The following NGEF variants were observed in gnomAD, a reference collection of about 807,000 sequenced individuals.
NGEF encodes the protein ephexin-1.
Under a neutral mutation model 80.9 loss-of-function variants are expected in NGEF, and 31 were observed. The ratio of observed to expected loss-of-function variants is 0.38; its 90% confidence interval spans 0.29 to 0.52. NGEF has a LOEUF of 0.52. Ranked by LOEUF, NGEF falls within the 20% of genes least tolerant of loss-of-function variation. NGEF has a pLI of 0.84. For synonymous variants in NGEF, 371 were observed against 370.2 expected (o/e 1.00, Z -0.03); for missense variants, 709 against 926.2 (o/e 0.77, Z 3.04).
chr2:232,945,468 T>TACACAG (rs71296809), intron 3 of NGEF, among the ~76,000 whole-genome samples: 43,450 of 150,200 alleles, frequency 0.29, 7,109 homozygotes, highest in Middle Eastern at 0.4. Context: ...GAAATTTGGA[T>TACACAG]ACACAGACAC....
chr2:232,965,473 A>G (rs1318733991), intron 3 of NGEF, among the ~76,000 whole-genome samples: 1 of 152,156 alleles, frequency 6.6e-6, no homozygotes, highest in Non-Finnish European at 1.5e-5. Flanking sequence ...TATGTGGATG[A>G]CAGACCTGAC....
chr2:232,883,269 G>C (rs1165095436), intron 12 of NGEF, 42 bp downstream of exon 12: 1 of 1,544,766 alleles, frequency 6.5e-7, no homozygotes, highest in South Asian at 1.2e-5. Context: ...ACACAGAAAG[G>C]TGCCACGGGT....
intron 1 of NGEF, among the ~76,000 whole-genome samples, chr2:233,000,273 T>C (rs1365553341): frequency 6.6e-6 from 1 of 152,216 alleles, no homozygotes; most frequent in African/African-American, 2.4e-5. Context: ...TTTTTTTGTA[T>C]TTTTTGTAGA....
chr2:232,985,523 C>T (rs775726450), intron 1 of NGEF, among the ~76,000 whole-genome samples: 3 of 152,098 alleles, frequency 2.0e-5, no homozygotes, highest in Non-Finnish European at 4.4e-5. Flanking sequence ...GAGGCTGAGG[C>T]GGGCGGATCA....
intron 3 of NGEF, among the ~76,000 whole-genome samples, chr2:232,943,033 G>C (rs1238672227): frequency 1.3e-5 from 2 of 148,650 alleles, no homozygotes; most frequent in East Asian, 4.0e-4. Context: ...TTAAATTACT[G>C]CTGTTTCTAA....
At chr2:232,925,472 T>C (rs549958896) in intron 4 of NGEF, among the ~76,000 whole-genome samples, 1 of 152,310 alleles carries the variant, frequency 6.6e-6, no homozygotes, top group East Asian at 1.9e-4. Context: ...GAACATCAGA[T>C]GCCCTGCTGC....
At chr2:232,898,799 T>G (rs2106242902) in intron 5 of NGEF, among the ~76,000 whole-genome samples, 1 of 152,214 alleles carries the variant, frequency 6.6e-6, no homozygotes, top group Admixed American at 6.5e-5. Context: ...CCCAGGGTAG[T>G]GGAAGGAAGT....
chr2:232,999,169 G>C (rs1388364928), intron 1 of NGEF, among the ~76,000 whole-genome samples: 2 of 152,138 alleles, frequency 1.3e-5, no homozygotes, highest in African/African-American at 4.8e-5. Context: ...ATGATGATGG[G>C]CATGGCAGAC....
Position 232,908,496 on chromosome 2 carries a change from G to A in NGEF, c.828+11788C>T, listed in dbSNP as rs528063264. ...GTACCTCAATGCTGCTTGTTTATAC[G>A]TTTATGATTTTAGTGAGTTTGATTT... On this transcript the variant is annotated intron_variant, in intron 5 of 14. Transcript: ENST00000264051. Among the ~76,000 whole-genome samples, 9 of 47,534 alleles carry A rather than the reference G, an allele frequency of 1.9e-4. No homozygotes were observed. In the East Asian group the frequency reaches 3.1e-3, roughly 16 times the overall value. The allele number at this position is 47,534 out of a possible 152,430, so 31.2% of individuals were successfully genotyped here.
chr2:232,984,571 C>T (rs1694497066), intron 1 of NGEF, among the ~76,000 whole-genome samples: 1 of 152,146 alleles, frequency 6.6e-6, no homozygotes, highest in South Asian at 2.1e-4. Context: ...ACAAGCTAGA[C>T]ATTCCGGCCA....
At chr2:232,965,456 A>C (rs746576137) in intron 3 of NGEF, among the ~76,000 whole-genome samples, 1 of 152,184 alleles carries the variant, frequency 6.6e-6, no homozygotes, top group Non-Finnish European at 1.5e-5. Context: ...AAGAGCAGGG[A>C]TTCAGTTATG....
chr2:232,958,130 C>T (rs1474701588), intron 3 of NGEF, among the ~76,000 whole-genome samples: 1 of 152,166 alleles, frequency 6.6e-6, no homozygotes, highest in African/African-American at 2.4e-5. Context: ...TCAGCTAGCA[C>T]CCAAGCGAGG....
chr2:232,914,614 A>C (rs1465423994), intron 5 of NGEF, among the ~76,000 whole-genome samples: 1 of 152,126 alleles, frequency 6.6e-6, no homozygotes, highest in Non-Finnish European at 1.5e-5. Flanking sequence ...GAGGCACGAG[A>C]ATTGCTTGAA....
Position 232,935,007 on chromosome 2 carries a change from CA to C in NGEF, c.384-7822del, listed in dbSNP as rs141937277. ...TGGGCAACAGAGTGAGACTCTGTCT[CA>C]AAAAAAAAAAATAATAATAAGAATA... On this transcript the variant is annotated intron_variant, in intron 3 of 14. Transcript: ENST00000264051. Among the ~76,000 whole-genome samples the C allele has an allele frequency of 1.2e-3, 151 of 127,642 alleles. 1 individual carries two copies. Among genetic ancestry groups the C allele is most frequent in the East Asian group, 1.7e-3 (8 of 4,632 alleles). 83.7% of individuals were successfully genotyped at this position (127,642 alleles called of 152,430 possible). A position where few individuals can be genotyped will look rare whatever the true frequency, so the allele number is the denominator to read the frequency against.
chr2:232,974,882 G>T lies in NGEF; in HGVS notation c.9C>A (p.Thr3=), dbSNP rs1694261218. 3 of 1,613,184 alleles carry T rather than the reference G, an allele frequency of 1.9e-6. No individual in the cohort carries two copies. The South Asian group carries it at 3.3e-5, about 18-fold the overall frequency. Residue 3 remains threonine, a synonymous_variant, in exon 2 of 15, where the codon ACC becomes ACA. Transcript: ENST00000264051. ...TCTTTTCCAAATCTTCAGATTCCCT[G>T]GTCTCCATGGAAATAGAGCCAGATG... ME[T]RESEDLEKTR...
At chr2:232,969,725 G>A (rs1694147301) in intron 3 of NGEF, among the ~76,000 whole-genome samples, 1 of 151,840 alleles carries the variant, frequency 6.6e-6, no homozygotes, top group Admixed American at 6.6e-5. Context: ...TGTTGGCCAG[G>A]CTTGTCTCAA....
intron 3 of NGEF, among the ~76,000 whole-genome samples, chr2:232,938,609 A>G (rs967840746): frequency 2.1e-4 from 32 of 152,048 alleles, no homozygotes; most frequent in African/African-American, 7.2e-4. Flanking sequence ...GGTAAATACT[A>G]TAGGCCGGGT....
At chr2:232,997,599 G>T (rs1209881749) in intron 1 of NGEF, among the ~76,000 whole-genome samples, 1 of 152,132 alleles carries the variant, frequency 6.6e-6, no homozygotes, top group East Asian at 1.9e-4. Context: ...TTCTCCCTCA[G>T]AAAGGGCTCT....
chr2:232,958,685 C>T (rs1369015682), intron 3 of NGEF, among the ~76,000 whole-genome samples: 2 of 152,110 alleles, frequency 1.3e-5, no homozygotes, highest in African/African-American at 4.8e-5. Context: ...GGTCTCTATA[C>T]TCAAGCTCCT....
Sources: allele counts gnomAD v4.1 joint callset (sites outside exome capture counted in the v4.1 genomes callset), GRCh38; gene constraint gnomAD v4.1.1; transcripts MANE v1.5; gene names NCBI Gene and HGNC (gene_info 2026-07-23, HGNC 2026-07-21).